CACNA1D: variants seen among roughly 807,000 people sequenced by gnomAD.
CACNA1D encodes calcium voltage-gated channel subunit alpha1 D, also known as voltage-dependent L-type calcium channel subunit alpha-1D.
Under a neutral mutation model 257.1 loss-of-function variants are expected in CACNA1D, and 55 were observed. The observed-to-expected ratio is 0.21, with a 90% CI of 0.17 to 0.27. The LOEUF is 0.27. Among genes scored for constraint, CACNA1D ranks in the 10% least tolerant of loss-of-function variants. The pLI, the probability that CACNA1D is intolerant of heterozygous loss-of-function variation, is 1.00. For synonymous variants in CACNA1D, 980 were observed against 1,014.9 expected (o/e 0.97, Z 0.65); for missense variants, 1,876 against 2,784.0 (o/e 0.67, Z 7.34).
At chr3:53,695,566 G>A (rs1253345431) in intron 8 of CACNA1D, among the ~76,000 whole-genome samples, 1 of 152,216 alleles carries the variant, frequency 6.6e-6, no homozygotes, top group Non-Finnish European at 1.5e-5. Flanking sequence ...TGATTACACT[G>A]GTGTGCTAGA....
chr3:53,536,016 T>C (rs1467378997), intron 3 of CACNA1D, among the ~76,000 whole-genome samples: 3 of 152,198 alleles, frequency 2.0e-5, no homozygotes, highest in Non-Finnish European at 4.4e-5. Flanking sequence ...ATATGACGGC[T>C]GAAGGCCTGG....
At chr3:53,563,652 G>A (rs903967371) in intron 3 of CACNA1D, among the ~76,000 whole-genome samples, 4 of 151,834 alleles carry the variant, frequency 2.6e-5, no homozygotes, top group Non-Finnish European at 5.9e-5. Flanking sequence ...TATATAAATG[G>A]AATTATACTG....
chr3:53,594,945 A>G (rs566204255), intron 3 of CACNA1D, among the ~76,000 whole-genome samples: 1 of 152,374 alleles, frequency 6.6e-6, no homozygotes, highest in South Asian at 2.1e-4. Context: ...TATGAAAATC[A>G]GATCTTGAAT....
rs543553058 is a variant in CACNA1D at position 53,806,288 on chromosome 3, G to A, written c.5749+1142G>A. Among the ~76,000 whole-genome samples, 33 of 149,780 alleles carry A rather than the reference G, an allele frequency of 2.2e-4. 1 individual carries two copies. Among genetic ancestry groups the A allele is most frequent in the Admixed American group, 2.0e-3 (30 of 14,916 alleles). On this transcript the variant is annotated intron_variant, in intron 45 of 47. Transcript: ENST00000350061. The stretch of plus-strand genomic sequence containing the variant: ...TGCTTCTCCCTCATCTTCCTGTCAA[G>A]TCTGTCAGTGCCCTCTGCTCACGGG...
intron 3 of CACNA1D, among the ~76,000 whole-genome samples, chr3:53,633,709 A>G (rs2093848852): frequency 6.6e-6 from 1 of 152,206 alleles, no homozygotes; most frequent in African/African-American, 2.4e-5. Context: ...TGCTTTTCAG[A>G]ACCCACCTAT....
At chr3:53,713,543 T>TGAGTGA (rs2094786039) in intron 9 of CACNA1D, among the ~76,000 whole-genome samples, 2 of 120,932 alleles carry the variant, frequency 1.7e-5, no homozygotes, top group Admixed American at 1.6e-4. Flanking sequence ...TGTGTGTGTG[T>TGAGTGA]GAGAGATTTG....
At chr3:53,657,550 C>T (rs2094160288) in intron 4 of CACNA1D, among the ~76,000 whole-genome samples, 1 of 151,672 alleles carries the variant, frequency 6.6e-6, no homozygotes, top group Non-Finnish European at 1.5e-5. Flanking sequence ...AATTAAACTG[C>T]AATATAAAGT....
chr3:53,755,806 T>A (rs886688319), intron 29 of CACNA1D, among the ~76,000 whole-genome samples: 3 of 152,070 alleles, frequency 2.0e-5, no homozygotes, highest in Non-Finnish European at 4.4e-5. Context: ...TTTCCTGCCC[T>A]TTTTTTCTTG....
intron 9 of CACNA1D, among the ~76,000 whole-genome samples, chr3:53,703,024 T>C (rs2094643299): frequency 6.6e-6 from 1 of 152,228 alleles, no homozygotes; most frequent in Non-Finnish European, 1.5e-5. Flanking sequence ...GAGTTGTATT[T>C]GGTAAGGTGG....
Position 53,745,890 on chromosome 3 carries a change from A to G in CACNA1D, c.3167+15A>G. ...GAAGAATGCAGGTGAGCGTCCTGAG[A>G]GTGGAGTAGGGGACTTAGAAGAGCA... On this transcript the variant is annotated intron_variant, in intron 25 of 47. Coordinates refer to ENST00000350061, the MANE Select transcript of CACNA1D (RefSeq NM_001128840.3). 1.2e-6 allele frequency: 2 copies of G among 1,606,012 alleles called. No homozygotes were observed. The highest frequency in any genetic ancestry group is 1.7e-6 in the Non-Finnish European group (2 of 1,172,612).
At chr3:53,750,082 A>C (rs2095212587) in intron 27 of CACNA1D, among the ~76,000 whole-genome samples, 1 of 152,222 alleles carries the variant, frequency 6.6e-6, no homozygotes, top group Non-Finnish European at 1.5e-5. Flanking sequence ...GCATCACCCC[A>C]GGGAAGTCAG....
intron 20 of CACNA1D, among the ~76,000 whole-genome samples, chr3:53,736,024 T>G (rs2095053944): frequency 6.6e-6 from 1 of 152,142 alleles, no homozygotes; most frequent in African/African-American, 2.4e-5. Flanking sequence ...GATGATAGGA[T>G]GTCAAGTTGA....
At chr3:53,514,978 G>T (rs1157784022) in intron 3 of CACNA1D, among the ~76,000 whole-genome samples, 1 of 152,198 alleles carries the variant, frequency 6.6e-6, no homozygotes, top group Non-Finnish European at 1.5e-5. Flanking sequence ...AAATGAGCCT[G>T]CTGGCCATAG....
chr3:53,648,503 A>G (rs1576224211), intron 3 of CACNA1D, among the ~76,000 whole-genome samples: 1 of 152,048 alleles, frequency 6.6e-6, no homozygotes, highest in African/African-American at 2.4e-5. Context: ...TCCTCAGAAT[A>G]CCGCAGTGGC....
At chr3:53,763,162 C>T (rs573901160) in intron 30 of CACNA1D, among the ~76,000 whole-genome samples, 45 of 152,362 alleles carry the variant, frequency 3.0e-4, no homozygotes, top group African/African-American at 1.1e-3. Flanking sequence ...GAACGTCCCA[C>T]ACCCAAAGGG....
intron 3 of CACNA1D, among the ~76,000 whole-genome samples, chr3:53,642,593 C>G (rs1016831454): frequency 6.6e-6 from 1 of 152,230 alleles, no homozygotes; most frequent in Admixed American, 6.5e-5. Flanking sequence ...TTTGCTCTGC[C>G]GGTGAGGAGG....
intron 8 of CACNA1D, among the ~76,000 whole-genome samples, chr3:53,687,607 C>T (rs573069506): frequency 1.3e-5 from 2 of 151,250 alleles, no homozygotes; most frequent in African/African-American, 2.4e-5. Flanking sequence ...AACTTGAAAT[C>T]GATCATAGAT....
At chr3:53,606,701 T>G (rs2093515409) in intron 3 of CACNA1D, among the ~76,000 whole-genome samples, 1 of 152,224 alleles carries the variant, frequency 6.6e-6, no homozygotes, top group African/African-American at 2.4e-5. Flanking sequence ...CATATGCCTT[T>G]AAGTATATAT....
At chr3:53,736,752 G>T (rs987161009) in intron 20 of CACNA1D, among the ~76,000 whole-genome samples, 1 of 152,054 alleles carries the variant, frequency 6.6e-6, no homozygotes, top group African/African-American at 2.4e-5. Flanking sequence ...TTAGCCACAC[G>T]TATTGGCACA....
Sources: allele counts gnomAD v4.1 joint callset (sites outside exome capture counted in the v4.1 genomes callset), GRCh38; gene constraint gnomAD v4.1.1; transcripts MANE v1.5; gene names NCBI Gene and HGNC (gene_info 2026-07-23, HGNC 2026-07-21).